TDO2: variants seen among roughly 807,000 people sequenced by gnomAD.
TDO2 encodes tryptamin 2,3-dioxygenase.
A neutral mutation model predicts 61.2 loss-of-function variants in TDO2; 63 were observed. The ratio of observed to expected loss-of-function variants is 1.03; its 90% CI spans 0.84 to 1.27. The LOEUF (loss-of-function observed/expected upper bound fraction) is 1.27. Among genes scored for constraint, TDO2 ranks in the 50% most tolerant of loss-of-function variants. TDO2 has a pLI of 0.00. For missense variants in TDO2, 494 were observed against 469.5 expected (o/e 1.05, Z -0.48); for synonymous variants, 183 against 164.0 (o/e 1.12, Z -0.89).
chr4:155,914,472 G>A, intron 8 of TDO2, 38 bp downstream of exon 8: 1 of 1,394,352 alleles, frequency 7.2e-7, no homozygotes, highest in Non-Finnish European at 9.8e-7. Context: ...TCCCTGGAAT[G>A]TGTGAATATG....
Position 155,908,922 on chromosome 4 carries a change from T to G in TDO2, c.339T>G (p.Ser113=). 3.1e-6 allele frequency: 5 copies of G among 1,612,924 alleles called. No homozygotes were observed. Among genetic ancestry groups the G allele is most frequent in the African/African-American group, 1.3e-5 (1 of 74,996 alleles). ...RDERNMLKVV[S]RMHRVSVILK... ...AAAGGAACATGCTTAAGGTTGTTTC[T>G]CGGATGCACCGAGTGTCAGTGATCC... Residue 113 remains serine (S), a synonymous_variant, in exon 5 of 12, where the codon TCT becomes TCG. Coordinates refer to ENST00000536354, the MANE Select transcript of TDO2 (RefSeq NM_005651.4).
At chr4:155,918,380 C>T in intron 11 of TDO2, 141 bp downstream of exon 11, 1 of 670,688 alleles carries the variant, frequency 1.5e-6, no homozygotes, top group East Asian at 2.7e-5. Context: ...TAGAATATTC[C>T]AGTTCAGACT....
chr4:155,909,421 G>A (rs1371638391), intron 5 of TDO2, among the ~76,000 whole-genome samples: 1 of 152,130 alleles, frequency 6.6e-6, no homozygotes, highest in Non-Finnish European at 1.5e-5. Flanking sequence ...AATTTTACCT[G>A]TACATTTCAA....
intron 7 of TDO2, among the ~76,000 whole-genome samples, chr4:155,913,444 G>A (rs1742874229): frequency 6.6e-6 from 1 of 151,976 alleles, no homozygotes; most frequent in Non-Finnish European, 1.5e-5. Context: ...TGAAGATCTT[G>A]GCTCGAGGAA....
At position 155,910,190 on chromosome 4, in the gene TDO2, G is replaced by C. The variant is rs775054654; in HGVS notation, c.597G>C (p.Lys199Asn). 24 of 1,581,714 alleles carry C rather than the reference G, an allele frequency of 1.5e-5. No homozygotes were observed. Among genetic ancestry groups the C allele is most frequent in the Non-Finnish European group, 1.2e-5 (14 of 1,168,088 alleles). Residue 199 changes from lysine (K) to asparagine (N), a missense_variant, in exon 6 of 12, where the codon AAG (lysine) becomes AAC (asparagine). Coordinates refer to ENST00000536354, the MANE Select transcript of TDO2 (RefSeq NM_005651.4). ...TGCTACTTAAATCTGAGCAGGAAAAGACACTTCTGGAATTAGTGGAGGTAT... is the reference window on the plus strand; with the variant it reads ...TGCTACTTAAATCTGAGCAGGAAAACACACTTCTGGAATTAGTGGAGGTAT... ...NELLLKSEQE[K>N]TLLELVEAWL...
At chr4:155,918,101 A>G in intron 10 of TDO2, 48 bp from the exon 11 acceptor site, 1 of 1,557,980 alleles carries the variant, frequency 6.4e-7, no homozygotes, top group Non-Finnish European at 8.8e-7. Flanking sequence ...ACATTGTGGA[A>G]CTAATGGTGG....
At position 155,904,028 on chromosome 4, in the gene TDO2, A is replaced by C. The variant is rs755227439; in HGVS notation, c.46A>C (p.Lys16Gln). The change falls in exon 2 of 12, where the codon AAA (lysine) becomes CAA (glutamine). Residue 16 changes from lysine to glutamine, a missense_variant. By Grantham distance (53) the Lys-to-Gln change is moderately conservative. Transcript: ENST00000536354. ...FLGNNFGYTF[K>Q]KLPVEGSEED... ...TTATTAAATTTGCAGATATACTTTT[A>C]AAAAACTCCCCGTAGAAGGCAGCGA... 1 of 1,613,734 alleles carries C rather than the reference A, an allele frequency of 6.2e-7. No individual in the cohort carries two copies. The highest frequency in any genetic ancestry group is 8.5e-7 in the Non-Finnish European group (1 of 1,179,798).
At chr4:155,908,536 T>A (rs1742760927) in intron 4 of TDO2, among the ~76,000 whole-genome samples, 1 of 152,208 alleles carries the variant, frequency 6.6e-6, no homozygotes, top group African/African-American at 2.4e-5. Context: ...TTGATCCACA[T>A]GTTGTTTAAC....
chr4:155,909,113 G>A, intron 5 of TDO2, 99 bp downstream of exon 5: 1 of 1,268,216 alleles, frequency 7.9e-7, no homozygotes, highest in Non-Finnish European at 1.0e-6. Flanking sequence ...TGAGGAGCCT[G>A]TCTTACTAAC....
intron 3 of TDO2, chr4:155,907,477 T>A: frequency 2.3e-6 from 1 of 425,756 alleles, no homozygotes; most frequent in Non-Finnish European, 4.1e-6. Context: ...GAGGAATTAG[T>A]GTAATAATAA....
At position 155,911,596 on chromosome 4, in the gene TDO2, A is replaced by T; in HGVS notation, c.718A>T (p.Arg240Trp). 6.3e-7 allele frequency: 1 copy of T among 1,580,742 alleles called. No individual in the cohort carries two copies. Among genetic ancestry groups the T allele is most frequent in the East Asian group, 2.3e-5 (1 of 43,252 alleles). ...ITRGLEEEFI[R>W]IQAKEESEEK... ...CAGAGGCCTGGAAGAGGAATTCATA[A>T]GGATTCAGGTATTTAGATGACATGA... The change falls in exon 7 of 12, where the codon AGG (arginine) becomes TGG (tryptophan). Residue 240 changes from arginine (R) to tryptophan (W), a missense_variant. Transcript: ENST00000536354.
chr4:155,904,500 T>G lies in TDO2; in HGVS notation c.141+377T>G, dbSNP rs892353932. Among the ~76,000 whole-genome samples the G allele has an allele frequency of 3.3e-5, 5 of 152,308 alleles. No homozygotes were observed. In the East Asian group the frequency reaches 9.6e-4, roughly 29 times the overall value. Reference sequence around the variant, plus strand: ...AAAAAGTTCTCCTTTAAATCTCTTATCATGAAGTCGAAATGTAAAAGGCAC... The same window carrying G: ...AAAAAGTTCTCCTTTAAATCTCTTAGCATGAAGTCGAAATGTAAAAGGCAC... On this transcript the variant is annotated intron_variant, in intron 2 of 11. Transcript: ENST00000536354.
chr4:155,907,767 T>C lies in TDO2; in HGVS notation c.278T>C (p.Val93Ala). Reference sequence around the variant, plus strand: ...CAAATCCTCTGGGAGTTGGATTCTGTTCGAGAGATCTTTCAGAATGGCCAT... The same window carrying C: ...CAAATCCTCTGGGAGTTGGATTCTGCTCGAGAGATCTTTCAGAATGGCCAT... ...FKQILWELDS[V>A]REIFQNGHVR... Residue 93 changes from valine to alanine, a missense_variant, in exon 4 of 12, where the codon GTT (valine) becomes GCT (alanine). Transcript: ENST00000536354. The C allele has an allele frequency of 3.7e-6, 6 of 1,613,502 alleles. No individual in the cohort carries two copies. The highest frequency in any genetic ancestry group is 5.1e-6 in the Non-Finnish European group (6 of 1,179,686).
At position 155,907,553 on chromosome 4, in the gene TDO2, A is replaced by G. The variant is rs77741499; in HGVS notation, c.233-169A>G. 182 of 564,312 alleles carry G rather than the reference A, an allele frequency of 3.2e-4. 1 individual carries two copies. The highest frequency in any genetic ancestry group is 3.1e-3 in the African/African-American group (163 of 52,294). 35.0% of individuals were successfully genotyped at this position (564,312 alleles called of 1,614,324 possible). On this transcript the variant is annotated intron_variant, in intron 3 of 11. Coordinates refer to ENST00000536354, the MANE Select transcript of TDO2 (RefSeq NM_005651.4). ...CATTTAATAAAAGGAGGCTATTACA[A>G]CTTTAACACTAACATTTATTTCTGG...
In TDO2 at chr4:155,905,140, T is replaced by C. The variant is rs777201454; in HGVS notation, c.215T>C (p.Phe72Ser). Reference sequence around the variant, plus strand: ...AATAAAATCCATGATGAACATCTTTTTATCATAACTCATCAAGGTAAGTTG... The same window carrying C: ...AATAAAATCCATGATGAACATCTTTCTATCATAACTCATCAAGGTAAGTTG... Reference protein sequence around the residue: ...KGNKIHDEHLFIITHQAYELW... With the variant: ...KGNKIHDEHLSIITHQAYELW... The change falls in exon 3 of 12, where the codon TTT becomes TCT. Residue 72 changes from phenylalanine (F) to serine (S), a missense_variant. Physicochemically the swap from Phe to Ser is radical, Grantham distance 155 (BLOSUM62 -2). Coordinates refer to ENST00000536354, the MANE Select transcript of TDO2 (RefSeq NM_005651.4). 2 of 1,594,474 alleles carry C rather than the reference T, an allele frequency of 1.3e-6. No individual in the cohort carries two copies. Among genetic ancestry groups the C allele is most frequent in the South Asian group, 2.3e-5 (2 of 86,852 alleles).
intron 9 of TDO2, among the ~76,000 whole-genome samples, chr4:155,916,270 C>T (rs905813472): frequency 6.9e-6 from 1 of 145,904 alleles, no homozygotes; most frequent in Non-Finnish European, 1.5e-5. Flanking sequence ...CGGGTTCACG[C>T]CACTCTCCTG....
intron 5 of TDO2, among the ~76,000 whole-genome samples, chr4:155,909,358 G>A (rs1016823604): frequency 1.3e-5 from 2 of 152,196 alleles, no homozygotes; most frequent in Admixed American, 6.5e-5. Flanking sequence ...CAAAACAGGA[G>A]CGATATATAC....
At chr4:155,918,345 G>A in intron 11 of TDO2, 106 bp downstream of exon 11, 14 of 913,908 alleles carry the variant, frequency 1.5e-5, no homozygotes, top group Non-Finnish European at 2.4e-5. Context: ...GCTCCTGTCT[G>A]AACTACTAAC....
chr4:155,915,811 C>A, intron 8 of TDO2, 44 bp from the exon 9 acceptor site: 6 of 1,541,804 alleles, frequency 3.9e-6, no homozygotes, highest in Non-Finnish European at 5.3e-6. Flanking sequence ...TACAAAATTA[C>A]CTTAAATGAC....
Sources: allele counts gnomAD v4.1 joint callset (sites outside exome capture counted in the v4.1 genomes callset), GRCh38; gene constraint gnomAD v4.1.1; transcripts MANE v1.5; gene names NCBI Gene and HGNC (gene_info 2026-07-23, HGNC 2026-07-21).